The following SH3BGR variants were observed in gnomAD, a reference collection of about 807,000 sequenced individuals.
SH3BGR encodes SH3 domain binding glutamate rich protein.
Under a neutral mutation model 24.5 loss-of-function variants are expected in SH3BGR, and 29 were observed. That is an observed-to-expected ratio of 1.18 (90% CI 0.88 to 1.61). SH3BGR has a LOEUF of 1.61. Among genes scored for constraint, SH3BGR ranks in the 40% most tolerant of loss-of-function variants. The probability of loss-of-function intolerance (pLI) is 0.00; values close to 1 mark genes in which losing one functional copy is unlikely to be tolerated. For missense variants in SH3BGR, 162 were observed against 205.8 expected (o/e 0.79, Z 1.30); for synonymous variants, 55 against 65.7 (o/e 0.84, Z 0.79).
At chr21:39,502,391 G>A (rs1458582583) in intron 4 of SH3BGR, among the ~76,000 whole-genome samples, 1 of 152,138 alleles carries the variant, frequency 6.6e-6, no homozygotes, top group Non-Finnish European at 1.5e-5. Context: ...TCCTGGCTCC[G>A]TTGAAACCAT....
intron 5 of SH3BGR, among the ~76,000 whole-genome samples, chr21:39,509,471 G>GT (rs560071613): frequency 0.054 from 5,593 of 103,912 alleles, 504 homozygotes; most frequent in African/African-American, 0.14. Context: ...CACTTTTATT[G>GT]TTTTTTTTTT....
At chr21:39,510,149 A>G (rs1213582807) in intron 5 of SH3BGR, among the ~76,000 whole-genome samples, 1 of 146,248 alleles carries the variant, frequency 6.8e-6, no homozygotes, top group Admixed American at 6.7e-5. Flanking sequence ...TCACCGTGTT[A>G]GCCAAGATGG....
chr21:39,511,623 C>T lies in SH3BGR; in HGVS notation c.436-57C>T. 1 of 1,564,072 alleles carries T rather than the reference C, an allele frequency of 6.4e-7. No homozygotes were observed. The highest frequency in any genetic ancestry group is 8.7e-7 in the Non-Finnish European group (1 of 1,152,798). ...GTCCAGCATTTTACAGTCTTTTTCT[C>T]ACTGTATCCTTGGCCCTTATGCTTC... On this transcript the variant is annotated intron_variant, in intron 5 of 6. Coordinates refer to ENST00000333634, the MANE Select transcript of SH3BGR (RefSeq NM_007341.3). The surrounding 1 kb of genome is among the most constrained non-coding windows in gnomAD (Gnocchi z 4.2).
At chr21:39,512,211 T>G (rs1401526616) in intron 6 of SH3BGR, among the ~76,000 whole-genome samples, 1 of 152,186 alleles carries the variant, frequency 6.6e-6, no homozygotes, top group Admixed American at 6.5e-5. Context: ...TGTACAACTT[T>G]AGGGGGGTGA....
In SH3BGR at chr21:39,491,545, T is replaced by C. The variant is rs2078299460; in HGVS notation, c.313-8278T>C. On this transcript the variant is annotated intron_variant, in intron 3 of 6. Transcript: ENST00000333634. ...TCAGTCTTCTAAGGCCTCAGCTACT[T>C]ACATGGGCTTTGGTGGGGGTCGTGG... is the stretch of plus-strand genomic sequence containing the variant. 4 of 278,510 alleles carry C rather than the reference T, an allele frequency of 1.4e-5. 1 individual carries two copies. In the South Asian group the frequency reaches 1.8e-4, roughly 13 times the overall value. 17.3% of individuals were successfully genotyped at this position (278,510 alleles called of 1,614,324 possible).
chr21:39,508,062 A>G (rs2078613602), intron 4 of SH3BGR, among the ~76,000 whole-genome samples: 1 of 152,208 alleles, frequency 6.6e-6, no homozygotes, highest in African/African-American at 2.4e-5. Context: ...TGACTTTGGC[A>G]AATGACTTCC....
intron 1 of SH3BGR, among the ~76,000 whole-genome samples, chr21:39,457,790 G>A (rs1205466710): frequency 6.6e-6 from 1 of 151,870 alleles, no homozygotes; most frequent in Non-Finnish European, 1.5e-5. Flanking sequence ...CAGACGTGGT[G>A]GTGTGCGTCC....
At chr21:39,468,537 C>T (rs1028828974) in intron 2 of SH3BGR, among the ~76,000 whole-genome samples, 3 of 151,690 alleles carry the variant, frequency 2.0e-5, no homozygotes, top group Non-Finnish European at 2.9e-5. Context: ...CTCCTGTACT[C>T]GATCGATCCT....
upstream of SH3BGR, among the ~76,000 whole-genome samples, chr21:39,448,378 C>G (rs1209485253): frequency 6.6e-6 from 1 of 152,118 alleles, no homozygotes; most frequent in Non-Finnish European, 1.5e-5. Flanking sequence ...TTATGTAAAT[C>G]AAAACATATC....
At chr21:39,480,702 G>A (rs1053393983) in intron 3 of SH3BGR, among the ~76,000 whole-genome samples, 3 of 152,260 alleles carry the variant, frequency 2.0e-5, no homozygotes, top group Middle Eastern at 3.4e-3. Flanking sequence ...TTCTACAGTT[G>A]CTGCTTTGTA....
At chr21:39,478,839 T>C (rs2078070396) in intron 3 of SH3BGR, among the ~76,000 whole-genome samples, 1 of 152,098 alleles carries the variant, frequency 6.6e-6, no homozygotes, top group Non-Finnish European at 1.5e-5. Context: ...AGCTCTTTTT[T>C]GTTGTTATCT....
chr21:39,461,394 C>G (rs1010157283), intron 1 of SH3BGR, among the ~76,000 whole-genome samples: 1 of 152,090 alleles, frequency 6.6e-6, no homozygotes, highest in African/African-American at 2.4e-5. Flanking sequence ...ACCTTGGCCT[C>G]CTAAAGTGCT....
intron 3 of SH3BGR, among the ~76,000 whole-genome samples, chr21:39,482,842 G>T (rs978403042): frequency 1.1e-4 from 17 of 152,108 alleles, no homozygotes; most frequent in African/African-American, 4.1e-4. Flanking sequence ...GCTAATTTTT[G>T]TATTTTTAGT....
intron 3 of SH3BGR, chr21:39,488,277 G>A (rs563585379): frequency 2.3e-5 from 4 of 172,038 alleles, no homozygotes; most frequent in Non-Finnish European, 2.5e-5. Context: ...CATTCTTCAC[G>A]GAAGGTGATG....
chr21:39,447,343 A>G (rs952598293), upstream of SH3BGR, among the ~76,000 whole-genome samples: 1 of 151,236 alleles, frequency 6.6e-6, no homozygotes, highest in Non-Finnish European at 1.5e-5. Context: ...CTTTTCTACC[A>G]GCTTTTCCCA....
intron 4 of SH3BGR, among the ~76,000 whole-genome samples, chr21:39,501,378 G>A (rs1024498155): frequency 1.3e-5 from 2 of 152,202 alleles, no homozygotes; most frequent in Non-Finnish European, 2.9e-5. Context: ...GAATCACCCA[G>A]CTTGGACGTT....
At chr21:39,489,118 G>T (rs528100801) in intron 3 of SH3BGR, among the ~76,000 whole-genome samples, 3 of 152,190 alleles carry the variant, frequency 2.0e-5, no homozygotes, top group Non-Finnish European at 4.4e-5. Flanking sequence ...GTACAAGTTT[G>T]CAAGTCAGAT....
intron 2 of SH3BGR, among the ~76,000 whole-genome samples, chr21:39,469,278 C>T (rs1243344779): frequency 6.6e-6 from 1 of 150,606 alleles, no homozygotes; most frequent in Non-Finnish European, 1.5e-5. Flanking sequence ...TATGTCTTCT[C>T]TTTATTCCTA....
chr21:39,460,412 A>G (rs184642460), intron 1 of SH3BGR, among the ~76,000 whole-genome samples: 1 of 152,172 alleles, frequency 6.6e-6, no homozygotes, highest in African/African-American at 2.4e-5. Flanking sequence ...GTGTGGGTAT[A>G]CTTGATATTT....
Sources: allele counts gnomAD v4.1 joint callset (sites outside exome capture counted in the v4.1 genomes callset), GRCh38; gene constraint gnomAD v4.1.1; non-coding constraint Gnocchi (gnomAD v3.1); transcripts MANE v1.5; gene names NCBI Gene and HGNC (gene_info 2026-07-23, HGNC 2026-07-21).